Variants in CNTLN observed in about 807,000 individuals in gnomAD.
CNTLN encodes the protein centlein, centrosomal protein.
In CNTLN, 212 loss-of-function variants were observed where a neutral mutation model predicts 180.0. The observed-to-expected ratio is 1.18, with a 90% CI of 1.05 to 1.32. The LOEUF (loss-of-function observed/expected upper bound fraction) is 1.32. Among genes scored for constraint, CNTLN ranks in the 40% most tolerant of loss-of-function variants. The pLI is 0.00. For missense variants in CNTLN, 2,095 were observed against 1,610.9 expected (o/e 1.30, Z -5.14); for synonymous variants, 722 against 563.1 (o/e 1.28, Z -3.99).
intron 1 of CNTLN, 101 bp from the exon 2 acceptor site, chr9:17,143,187 A>G: frequency 1.3e-6 from 1 of 759,516 alleles, no homozygotes; most frequent in Non-Finnish European, 2.2e-6. Flanking sequence ...TTATACAACT[A>G]GGGATCAAGT....
At chr9:17,443,820 T>G (rs7036123) in intron 18 of CNTLN, among the ~76,000 whole-genome samples, 9,850 of 152,132 alleles carry the variant, frequency 0.065, 754 homozygotes, top group East Asian at 0.26. Context: ...ATCTGCTATA[T>G]GGGCAAAGAG....
chr9:17,514,825 C>T, the CNTLN span, among the ~76,000 whole-genome samples: 1 of 152,280 alleles, frequency 6.6e-6, no homozygotes, highest in East Asian at 1.9e-4. Context: ...CTCTAGTTAA[C>T]TATTATAGTT....
At chr9:17,287,475 G>T (rs200571480) in intron 6 of CNTLN, among the ~76,000 whole-genome samples, 6 of 150,470 alleles carry the variant, frequency 4.0e-5, no homozygotes, top group South Asian at 2.1e-4. Flanking sequence ...TCTCTTTTTT[G>T]GTTGTGTCTC....
rs1211864743 is a variant in CNTLN, at chr9:17,503,329, C to G, written c.*677C>G. 2 of 152,162 alleles carry G rather than the reference C, an allele frequency of 1.3e-5. No individual in the cohort carries two copies. The highest frequency in any genetic ancestry group is 2.9e-5 in the Non-Finnish European group (2 of 68,030). The allele number at this position is 152,162 out of a possible 1,614,324, so 9.4% of individuals were successfully genotyped here. A position where few individuals can be genotyped will look rare whatever the true frequency, so the allele number is the denominator to read the frequency against. ...CAAACCCAATGTATAAAATTAGGCT[C>G]TATTTAACAGAACTACTACTGTGGT... On this transcript the variant is annotated 3_prime_UTR_variant, in exon 26 of 26. Coordinates refer to ENST00000380647, the MANE Select transcript of CNTLN (RefSeq NM_017738.4).
chr9:17,231,820 C>G (rs1054445057), intron 3 of CNTLN, among the ~76,000 whole-genome samples: 11 of 151,922 alleles, frequency 7.2e-5, no homozygotes, highest in Admixed American at 2.0e-4. Context: ...TTCCCTACCC[C>G]CCACCCATTT....
In CNTLN at chr9:17,432,818, G is replaced by A. The variant is rs567543020; in HGVS notation, c.3114+16629G>A. On this transcript the variant is annotated intron_variant, in intron 18 of 25. Coordinates refer to ENST00000380647, the MANE Select transcript of CNTLN (RefSeq NM_017738.4). ...GCAGATCACCTGAGGTCATGAGTTCGAGACCAGCCTGACCAACATAGCAAA... is the reference window on the plus strand; with the variant it reads ...GCAGATCACCTGAGGTCATGAGTTCAAGACCAGCCTGACCAACATAGCAAA... 4.3e-4 allele frequency among the ~76,000 whole-genome samples: 65 copies of A among 152,070 alleles called. 1 individual carries two copies. The highest frequency in any genetic ancestry group is 1.5e-3 in the African/African-American group (62 of 41,486).
intron 6 of CNTLN, among the ~76,000 whole-genome samples, chr9:17,291,280 C>G (rs576851443): frequency 1.3e-5 from 2 of 152,204 alleles, no homozygotes; most frequent in African/African-American, 4.8e-5. Context: ...AATATATATT[C>G]CATTGTTTTT....
intron 9 of CNTLN, 87 bp downstream of exon 9, chr9:17,330,895 C>A (rs1358989034): frequency 2.5e-6 from 3 of 1,196,360 alleles, no homozygotes; most frequent in South Asian, 1.4e-5. Flanking sequence ...GCAGCATTTA[C>A]TTCTCTGCTT....
At chr9:17,461,793 GATTA>G (rs1308594934) in intron 19 of CNTLN, among the ~76,000 whole-genome samples, 2 of 151,222 alleles carry the variant, frequency 1.3e-5, no homozygotes, top group African/African-American at 4.8e-5. Context: ...TTAACAAATG[GATTA>G]ATGTGAGTAT....
intron 10 of CNTLN, among the ~76,000 whole-genome samples, chr9:17,337,377 C>T (rs1821124229): frequency 6.6e-6 from 1 of 152,114 alleles, no homozygotes. Context: ...GTCATAAAGT[C>T]TTCGCCCATG....
At chr9:17,433,132 A>G (rs1459562389) in intron 18 of CNTLN, among the ~76,000 whole-genome samples, 3 of 152,072 alleles carry the variant, frequency 2.0e-5, no homozygotes, top group Admixed American at 2.0e-4. Flanking sequence ...TGATTAGAGT[A>G]AAAGTGATCT....
At chr9:17,402,827 G>A (rs1365333759) in intron 15 of CNTLN, among the ~76,000 whole-genome samples, 34 of 151,688 alleles carry the variant, frequency 2.2e-4, no homozygotes, top group Non-Finnish European at 8.8e-5. Context: ...GTTCTCCTGA[G>A]TCTCTAGCCT....
At chr9:17,318,597 C>T (rs1419360129) in intron 8 of CNTLN, among the ~76,000 whole-genome samples, 5 of 152,082 alleles carry the variant, frequency 3.3e-5, no homozygotes, top group South Asian at 2.1e-4. Context: ...GATCTAACCA[C>T]CTGGACAAAT....
intron 2 of CNTLN, among the ~76,000 whole-genome samples, chr9:17,179,701 G>C (rs1365261695): frequency 6.6e-6 from 1 of 152,080 alleles, no homozygotes; most frequent in Non-Finnish European, 1.5e-5. Context: ...TTTTGTTGCT[G>C]AGCTCTTCTG....
chr9:17,485,290 C>T (rs75660710), intron 24 of CNTLN, among the ~76,000 whole-genome samples: 3,953 of 152,164 alleles, frequency 0.026, 171 homozygotes, highest in African/African-American at 0.09. Flanking sequence ...CATCCTCTGG[C>T]CCCCTCTTCA....
chr9:17,337,028 C>T (rs1587695976), intron 10 of CNTLN, among the ~76,000 whole-genome samples: 1 of 152,142 alleles, frequency 6.6e-6, no homozygotes, highest in Non-Finnish European at 1.5e-5. Context: ...GAGATGGTAT[C>T]TCATTGTGGT....
chr9:17,225,159 A>G (rs1413155295), intron 2 of CNTLN, among the ~76,000 whole-genome samples: 1 of 151,926 alleles, frequency 6.6e-6, no homozygotes, highest in African/African-American at 2.4e-5. Context: ...TTGCCTTTCT[A>G]GACTCTAATA....
chr9:17,490,351 A>C (rs562147421), intron 25 of CNTLN, among the ~76,000 whole-genome samples: 105 of 152,168 alleles, frequency 6.9e-4, no homozygotes, highest in African/African-American at 2.4e-3. Flanking sequence ...AGATTAGATG[A>C]AAGGGGTCTG....
chr9:17,135,179 C>A lies in CNTLN; in HGVS notation c.114C>A (p.Ala38=). The A allele has an allele frequency of 6.2e-7, 1 of 1,610,550 alleles. No individual in the cohort carries two copies. Among genetic ancestry groups the A allele is most frequent in the Non-Finnish European group, 8.5e-7 (1 of 1,178,984 alleles). ...GAEVHAMRSE[A]SGFAGAAREV... ...AAGTACACGCAATGCGCAGCGAGGC[C>A]TCGGGTTTTGCCGGCGCAGCGCGGG... Residue 38 remains alanine, a synonymous_variant, in exon 1 of 26, where the codon GCC becomes GCA. Transcript: ENST00000380647.
Sources: allele counts gnomAD v4.1 joint callset (sites outside exome capture counted in the v4.1 genomes callset), GRCh38; gene constraint gnomAD v4.1.1; transcripts MANE v1.5; gene names NCBI Gene and HGNC (gene_info 2026-07-23, HGNC 2026-07-21).